Variants in DOCK4 observed in about 807,000 individuals in gnomAD.
The protein encoded by DOCK4 is dedicator of cytokinesis protein 4.
A neutral mutation model predicts 268.1 loss-of-function variants in DOCK4; 97 were observed. The observed-to-expected ratio is 0.36, with a 90% CI of 0.31 to 0.43. DOCK4 has a LOEUF of 0.43. Ranked by LOEUF, DOCK4 falls within the 20% of genes least tolerant of loss-of-function variation. The pLI is 1.00. For missense variants in DOCK4, 2,145 were observed against 2,455.7 expected, an observed-to-expected ratio of 0.87 and a Z score of 2.67; for synonymous variants, 954 against 887.2, an observed-to-expected ratio of 1.08 and a Z score of -1.34.
chr7:112,159,139 AAT>A (rs1455436373), intron 1 of DOCK4, among the ~76,000 whole-genome samples: 1 of 152,142 alleles, frequency 6.6e-6, no homozygotes, highest in Admixed American at 6.6e-5. Flanking sequence ...CCCTCCTAGA[AAT>A]ATGTTATTGT....
At chr7:111,741,766 C>T (rs1280138529) in intron 45 of DOCK4, 105 bp from the exon 46 acceptor site, 1 of 1,406,656 alleles carries the variant, frequency 7.1e-7, no homozygotes, top group Non-Finnish European at 9.5e-7. Flanking sequence ...GCCATCAAGT[C>T]TTCACATAGG....
At chr7:111,878,673 G>T (rs1281665220) in intron 16 of DOCK4, among the ~76,000 whole-genome samples, 1 of 152,108 alleles carries the variant, frequency 6.6e-6, no homozygotes, top group Admixed American at 6.5e-5. Flanking sequence ...GGATAATGCA[G>T]TGACTTGGGG....
chr7:111,995,956 AC>A (rs1185378242), intron 4 of DOCK4, among the ~76,000 whole-genome samples: 1 of 152,226 alleles, frequency 6.6e-6, no homozygotes, highest in African/African-American at 2.4e-5. Context: ...TCTGTATATG[AC>A]ATTTTTAAAT....
intron 13 of DOCK4, among the ~76,000 whole-genome samples, chr7:111,905,003 T>C (rs1791442066): frequency 6.6e-6 from 1 of 152,188 alleles, no homozygotes; most frequent in South Asian, 2.1e-4. Flanking sequence ...CAGATTTCTT[T>C]GAAAAGAGAA....
chr7:111,978,335 G>A (rs1266502551), intron 7 of DOCK4, among the ~76,000 whole-genome samples: 9 of 152,284 alleles, frequency 5.9e-5, no homozygotes, highest in African/African-American at 1.2e-4. Context: ...AGGCTCAAGC[G>A]ATCCTCCTGC....
chr7:111,728,453 G>C lies in DOCK4; in HGVS notation c.5749C>G (p.Arg1917Gly), dbSNP rs766904292. The C allele has an allele frequency of 6.2e-7, 1 of 1,606,044 alleles. No individual in the cohort carries two copies. Among genetic ancestry groups the C allele is most frequent in the African/African-American group, 1.3e-5 (1 of 75,020 alleles). The change falls in exon 53 of 53, where the codon CGG (arginine) becomes GGG (glycine). Residue 1917 changes from arginine to glycine, a missense_variant. By Grantham distance (125) the Arg-to-Gly change is moderately radical (BLOSUM62 -2). Transcript: ENST00000428084. Reference sequence around the variant, plus strand: ...AGCGGGACGGGGCGCCGCAGAGTCCGCTCGTAGACGCTGTACGGGGGCGGA... The same window carrying C: ...AGCGGGACGGGGCGCCGCAGAGTCCCCTCGTAGACGCTGTACGGGGGCGGA... ...KTPPPYSVYE[R>G]TLRRPVPLPH...
intron 1 of DOCK4, among the ~76,000 whole-genome samples, chr7:112,114,903 T>A (rs770876445): frequency 2.0e-5 from 3 of 152,222 alleles, no homozygotes; most frequent in Non-Finnish European, 2.9e-5. Flanking sequence ...ACAATTATCA[T>A]GAAAATAATT....
At chr7:112,085,514 A>G (rs996444339) in intron 1 of DOCK4, among the ~76,000 whole-genome samples, 1 of 152,164 alleles carries the variant, frequency 6.6e-6, no homozygotes, top group Admixed American at 6.5e-5. Flanking sequence ...AGTTATAAAT[A>G]AGGAGAAAGT....
At chr7:112,012,328 T>A (rs1801405385) in intron 1 of DOCK4, among the ~76,000 whole-genome samples, 1 of 152,020 alleles carries the variant, frequency 6.6e-6, no homozygotes, top group Non-Finnish European at 1.5e-5. Flanking sequence ...TAATACTGCT[T>A]TTTCTGATAA....
At chr7:111,764,327 T>C (rs1367572534) in intron 39 of DOCK4, among the ~76,000 whole-genome samples, 1 of 152,242 alleles carries the variant, frequency 6.6e-6, no homozygotes, top group Admixed American at 6.5e-5. Context: ...TCATATGTGC[T>C]GACAGGCAAG....
chr7:111,821,278 C>A (rs1801956964), intron 27 of DOCK4: 1 of 152,154 alleles, frequency 6.6e-6, no homozygotes, highest in Non-Finnish European at 1.5e-5. Context: ...CCGTGGCCTA[C>A]AGATAGATGC....
rs1336686093 is a variant in DOCK4, at chr7:111,727,399, T to G, written c.*875A>C. 6.6e-6 allele frequency: 1 copy of G among 152,662 alleles called. No individual in the cohort carries two copies. Among genetic ancestry groups the G allele is most frequent in the African/African-American group, 2.4e-5 (1 of 41,464 alleles). The allele number at this position is 152,662 out of a possible 1,614,324, so 9.5% of individuals were successfully genotyped here. A position where few individuals can be genotyped will look rare whatever the true frequency, so the allele number is the denominator to read the frequency against. On this transcript the variant is annotated 3_prime_UTR_variant, in exon 53 of 53. Coordinates refer to ENST00000428084, the MANE Select transcript of DOCK4 (RefSeq NM_001363540.2). ...CTTAAGCTATTAATTTAATACTGTC[T>G]GTATTGATTCCTGAATTCTTGCTAA... is the stretch of plus-strand genomic sequence containing the variant.
intron 13 of DOCK4, among the ~76,000 whole-genome samples, chr7:111,907,146 A>G (rs908347666): frequency 7.6e-6 from 1 of 130,904 alleles, no homozygotes; most frequent in Non-Finnish European, 1.6e-5. Flanking sequence ...CTAATATTAT[A>G]TCTCCAATTC....
chr7:112,168,556 T>C (rs541111242), intron 1 of DOCK4, among the ~76,000 whole-genome samples: 7 of 152,126 alleles, frequency 4.6e-5, no homozygotes, highest in Middle Eastern at 3.4e-3. Flanking sequence ...AATCAAAAAA[T>C]TAGCCAGGCA....
At chr7:111,741,869 C>CAATT (rs1795939471) in intron 45 of DOCK4, 144 bp downstream of exon 45, 1 of 1,296,902 alleles carries the variant, frequency 7.7e-7, no homozygotes, top group African/African-American at 1.5e-5. Context: ...GCAGACAAGG[C>CAATT]AATTGTATTT....
chr7:111,786,370 G>C (rs1291304740), intron 32 of DOCK4, among the ~76,000 whole-genome samples: 1 of 152,002 alleles, frequency 6.6e-6, no homozygotes, highest in Non-Finnish European at 1.5e-5. Flanking sequence ...GAGCGAATCA[G>C]GTGGAGCCAG....
chr7:111,796,849 G>A (rs143254809), intron 30 of DOCK4, among the ~76,000 whole-genome samples: 1,814 of 152,238 alleles, frequency 0.012, 17 homozygotes, highest in Middle Eastern at 0.048. Flanking sequence ...GTGGGTAAGC[G>A]TGGTTAGTCC....
intron 8 of DOCK4, among the ~76,000 whole-genome samples, chr7:111,958,214 C>T (rs371313491): frequency 4.5e-4 from 68 of 152,224 alleles, no homozygotes; most frequent in African/African-American, 1.3e-3. Context: ...CTGTGTCAGG[C>T]GCACTACAAG....
At chr7:112,119,820 T>C (rs528096467) in intron 1 of DOCK4, among the ~76,000 whole-genome samples, 5 of 151,964 alleles carry the variant, frequency 3.3e-5, no homozygotes, top group East Asian at 1.9e-4. Flanking sequence ...GCCTGGCGTA[T>C]ATTTAGTGCT....
Sources: allele counts gnomAD v4.1 joint callset (sites outside exome capture counted in the v4.1 genomes callset), GRCh38; gene constraint gnomAD v4.1.1; transcripts MANE v1.5; gene names NCBI Gene and HGNC (gene_info 2026-07-23, HGNC 2026-07-21).